Variants in MICU1 observed in about 807,000 individuals in gnomAD.
The protein encoded by MICU1 is mitochondrial calcium uptake 1.
MICU1 carries 45 observed loss-of-function variants against 56.8 expected under a neutral mutation model. The observed-to-expected ratio is 0.79, with a 90% CI of 0.62 to 1.02. The LOEUF (loss-of-function observed/expected upper bound fraction) is 1.02. MICU1 is among the 50% of genes least tolerant of loss of function. The probability of loss-of-function intolerance (pLI) is 0.00; values close to 1 mark genes in which losing one functional copy is unlikely to be tolerated. For missense variants in MICU1, 504 were observed against 587.1 expected (o/e 0.86, Z 1.46); for synonymous variants, 186 against 195.1 (o/e 0.95, Z 0.39).
In MICU1 at chr10:72,545,529, T is replaced by C. The variant is rs562512869; in HGVS notation, c.493+5650A>G. Reference sequence around the variant, plus strand: ...ATTCAAAGATTTTCTGACTAGCAATTGGTTGAAAGAGTTAAATTATTATGT... The same window carrying C: ...ATTCAAAGATTTTCTGACTAGCAATCGGTTGAAAGAGTTAAATTATTATGT... On this transcript the variant is annotated intron_variant, in intron 4 of 11. Transcript: ENST00000361114. Among the ~76,000 whole-genome samples the C allele has an allele frequency of 3.9e-5, 6 of 152,340 alleles. No individual in the cohort carries two copies. In the East Asian group the frequency reaches 1.2e-3, roughly 29 times the overall value.
intron 4 of MICU1, among the ~76,000 whole-genome samples, chr10:72,535,783 T>C (rs191581818): frequency 8.5e-5 from 13 of 152,294 alleles, no homozygotes; most frequent in Admixed American, 7.2e-4. Flanking sequence ...TGCTTACTAA[T>C]TGCATCAGCA....
At chr10:72,517,667 G>T (rs181629349) in intron 5 of MICU1, among the ~76,000 whole-genome samples, 14 of 152,032 alleles carry the variant, frequency 9.2e-5, no homozygotes, top group African/African-American at 3.4e-4. Flanking sequence ...CTACAAATTG[G>T]GTTCAGTGTA....
chr10:72,442,123 A>G (rs1386215262), intron 8 of MICU1, among the ~76,000 whole-genome samples: 3 of 152,122 alleles, frequency 2.0e-5, no homozygotes, highest in Non-Finnish European at 2.9e-5. Context: ...TCCCTAAAAT[A>G]TGCAATATAA....
chr10:72,378,185 G>T (rs909338658), intron 10 of MICU1, among the ~76,000 whole-genome samples: 1 of 152,146 alleles, frequency 6.6e-6, no homozygotes, highest in Non-Finnish European at 1.5e-5. Context: ...CCTGGGAGGC[G>T]GAGGTTGCAG....
rs1172282055 is a variant in MICU1 at position 72,475,090 on chromosome 10, G to A, written c.933+10C>T. On this transcript the variant is annotated intron_variant, in intron 8 of 11. Coordinates refer to ENST00000361114, the MANE Select transcript of MICU1 (RefSeq NM_001195518.2). Reference sequence around the variant, plus strand: ...ATGTGATGGATCTACTGAGTCTAAGGAAGACCTACCTCAAGCTTCAGAACA... The same window carrying A: ...ATGTGATGGATCTACTGAGTCTAAGAAAGACCTACCTCAAGCTTCAGAACA... 1 of 1,603,324 alleles carries A rather than the reference G, an allele frequency of 6.2e-7. No individual in the cohort carries two copies. The highest frequency in any genetic ancestry group is 8.5e-7 in the Non-Finnish European group (1 of 1,174,554).
intron 9 of MICU1, among the ~76,000 whole-genome samples, chr10:72,421,636 T>C (rs1236732952): frequency 6.6e-6 from 1 of 152,194 alleles, no homozygotes; most frequent in Admixed American, 6.6e-5. Flanking sequence ...AGAGCAGTGT[T>C]GCTAGTGTTC....
chr10:72,477,529 G>A, intron 6 of MICU1: 1 of 1,535,548 alleles, frequency 6.5e-7, no homozygotes, highest in Non-Finnish European at 8.7e-7. Flanking sequence ...AAATGATTTA[G>A]CTTTGCTTTC....
At chr10:72,388,014 A>G (rs1430901512) in intron 10 of MICU1, among the ~76,000 whole-genome samples, 1 of 152,186 alleles carries the variant, frequency 6.6e-6, no homozygotes, top group East Asian at 1.9e-4. Flanking sequence ...ACCATTCTAC[A>G]GATCTGGAAA....
In MICU1 at chr10:72,569,237, A is replaced by ATATATAT; in HGVS notation, c.-1-2444_-1-2443insATATATA. ...TATATATATATATATATATATATAT[A>ATATATAT]TTTTTTTTTTTTTTTGAGATGGCGT... On this transcript the variant is annotated intron_variant, in intron 1 of 11. Coordinates refer to ENST00000361114, the MANE Select transcript of MICU1 (RefSeq NM_001195518.2). Among the ~76,000 whole-genome samples, 9 of 34,380 alleles carry ATATATAT rather than the reference A, an allele frequency of 2.6e-4. No homozygotes were observed. The East Asian group carries it at 2.8e-3, about 11-fold the overall frequency. The allele number at this position is 34,380 out of a possible 152,430, so 22.6% of individuals were successfully genotyped here.
intron 8 of MICU1, among the ~76,000 whole-genome samples, chr10:72,461,708 G>A (rs1865643677): frequency 6.6e-6 from 1 of 152,188 alleles, no homozygotes; most frequent in African/African-American, 2.4e-5. Context: ...CCAGCACTTT[G>A]GGAGGCCAAG....
intron 1 of MICU1, among the ~76,000 whole-genome samples, chr10:72,609,826 G>A (rs1344384643): frequency 6.6e-6 from 1 of 151,238 alleles, no homozygotes; most frequent in Non-Finnish European, 1.5e-5. Context: ...ACGAGGTCAG[G>A]AGTTCAAGAC....
chr10:72,513,009 T>A (rs1028615109), intron 5 of MICU1, among the ~76,000 whole-genome samples: 1 of 152,126 alleles, frequency 6.6e-6, no homozygotes, highest in African/African-American at 2.4e-5. Context: ...CAGCTGGTTG[T>A]TTTTTGTTTA....
intron 6 of MICU1, among the ~76,000 whole-genome samples, chr10:72,507,569 T>G (rs560286317): frequency 2.0e-5 from 3 of 152,174 alleles, no homozygotes; most frequent in Non-Finnish European, 4.4e-5. Context: ...AAGGATATAG[T>G]AGTAAGCAAT....
intron 5 of MICU1, among the ~76,000 whole-genome samples, chr10:72,509,669 AC>A (rs1445069180): frequency 6.6e-6 from 1 of 152,188 alleles, no homozygotes; most frequent in East Asian, 1.9e-4. Flanking sequence ...TTTGCGGCTC[AC>A]AGAAGGCATA....
intron 5 of MICU1, among the ~76,000 whole-genome samples, chr10:72,528,224 T>C (rs1422066786): frequency 1.3e-5 from 2 of 152,180 alleles, no homozygotes; most frequent in African/African-American, 2.4e-5. Flanking sequence ...CAAAGTAACA[T>C]GTGACTTTGA....
intron 8 of MICU1, among the ~76,000 whole-genome samples, chr10:72,474,341 G>T (rs1564890157): frequency 6.8e-6 from 1 of 146,340 alleles, no homozygotes; most frequent in East Asian, 2.1e-4. Flanking sequence ...TTTTAAAAAT[G>T]TCAAGAAATT....
chr10:72,439,550 G>C (rs186013769), intron 8 of MICU1, among the ~76,000 whole-genome samples: 1 of 152,256 alleles, frequency 6.6e-6, no homozygotes, highest in African/African-American at 2.4e-5. Context: ...GTTCTGGCCA[G>C]GGCAATCAAG....
intron 9 of MICU1, among the ~76,000 whole-genome samples, chr10:72,420,738 G>A (rs1864131379): frequency 1.3e-5 from 2 of 151,452 alleles, no homozygotes; most frequent in African/African-American, 4.9e-5. Flanking sequence ...GCAGTAGCAT[G>A]ATCATAGCTA....
chr10:72,515,267 T>C (rs934742685), intron 5 of MICU1, among the ~76,000 whole-genome samples: 14 of 152,216 alleles, frequency 9.2e-5, no homozygotes, highest in Admixed American at 5.2e-4. Flanking sequence ...CTCCTGGTTG[T>C]TTTAAGTCTT....
Sources: allele counts gnomAD v4.1 joint callset (sites outside exome capture counted in the v4.1 genomes callset), GRCh38; gene constraint gnomAD v4.1.1; transcripts MANE v1.5; gene names NCBI Gene and HGNC (gene_info 2026-07-23, HGNC 2026-07-21).